NR2F2: variants seen among roughly 807,000 people sequenced by gnomAD.
NR2F2 encodes COUP transcription factor 2.
NR2F2 carries 2 observed loss-of-function variants against 34.8 expected under a neutral mutation model. The observed-to-expected ratio is 0.06, with a 90% CI of 0.02 to 0.18. NR2F2 has a LOEUF of 0.18. Among genes scored for constraint, NR2F2 ranks in the 10% least tolerant of loss-of-function variants. NR2F2 has a pLI of 1.00. For missense variants in NR2F2, 300 were observed against 580.1 expected (o/e 0.52, Z 4.96); for synonymous variants, 274 against 251.8 (o/e 1.09, Z -0.84).
At chr15:96,330,303 G>C (rs1238062738), upstream of NR2F2, among the ~76,000 whole-genome samples, 1 of 152,068 alleles carries the variant, frequency 6.6e-6, no homozygotes, top group South Asian at 2.1e-4. Context: ...GTGTGTGCGC[G>C]CTGCGCTAGT....
At position 96,337,735 on chromosome 15, in the gene NR2F2, TAAAAG is replaced by T; in HGVS notation, c.*116_*120del. Reference sequence around the variant, plus strand: ...ATATAAAAGGATGTTACAAGTTTGCTAAAAGAAGAGAGGGGAAGAATTTAATGGAC... The same window carrying T: ...ATATAAAAGGATGTTACAAGTTTGCTAAGAGAGGGGAAGAATTTAATGGAC... On this transcript the variant is annotated 3_prime_UTR_variant, in exon 3 of 3. Transcript: ENST00000394166. 2 of 817,184 alleles carry T rather than the reference TAAAAG, an allele frequency of 2.4e-6. No homozygotes were observed. Among genetic ancestry groups the T allele is most frequent in the South Asian group, 7.0e-5 (2 of 28,658 alleles). 50.6% of individuals were successfully genotyped at this position (817,184 alleles called of 1,614,324 possible). A position where few individuals can be genotyped will look rare whatever the true frequency, so the allele number is the denominator to read the frequency against.
At chr15:96,326,512 G>A (rs1253320554), upstream of NR2F2, among the ~76,000 whole-genome samples, 1 of 150,956 alleles carries the variant, frequency 6.6e-6, no homozygotes, top group Non-Finnish European at 1.5e-5. This position sits in a 1 kb window ranked among gnomAD's most constrained non-coding sequence, Gnocchi z 5.5. Flanking sequence ...GGGAAGGGGG[G>A]ATCAGAGTCA....
chr15:96,332,755 C>CTT, intron 1 of NR2F2: 1 of 1,148,960 alleles, frequency 8.7e-7, no homozygotes, highest in African/African-American at 1.6e-5. Flanking sequence ...TCTTTACTCT[C>CTT]TCTTTGGGCT....
At chr15:96,333,720 A>C in intron 1 of NR2F2, 1 of 1,218,602 alleles carries the variant, frequency 8.2e-7, no homozygotes, top group Non-Finnish European at 1.0e-6. Context: ...CCTCCAATCA[A>C]TAAGAAATAT....
chr15:96,326,798 G>C (rs895084468), upstream of NR2F2, among the ~76,000 whole-genome samples: 1 of 152,178 alleles, frequency 6.6e-6, no homozygotes, highest in Non-Finnish European at 1.5e-5. This position sits in a 1 kb window ranked among gnomAD's most constrained non-coding sequence, Gnocchi z 5.5. Context: ...AGAATTTACT[G>C]TTCGCTTTGC....
chr15:96,334,679 C>T lies in NR2F2; in HGVS notation c.970+76C>T, dbSNP rs978632929. ...GGGGCCCAGAGAACTTGGGAGTCCC[C>T]AGGGCAAACCCAGTCTGCTCCTTGA... On this transcript the variant is annotated intron_variant, in intron 2 of 2. Transcript: ENST00000394166. The T allele has an allele frequency of 5.4e-6, 8 of 1,481,550 alleles. No homozygotes were observed. In the East Asian group the frequency reaches 1.6e-4, roughly 30 times the overall value. 91.8% of individuals were successfully genotyped at this position (1,481,550 alleles called of 1,614,324 possible). A position where few individuals can be genotyped will look rare whatever the true frequency, so the allele number is the denominator to read the frequency against.
Position 96,332,378 on chromosome 15 carries a change from C to T in NR2F2, c.273C>T (p.Tyr91=), listed in dbSNP as rs746152342. 4 of 1,613,150 alleles carry T rather than the reference C, an allele frequency of 2.5e-6. No individual in the cohort carries two copies. The Admixed American group carries it at 6.7e-5, about 27-fold the overall frequency. Residue 91 remains tyrosine (Y), a synonymous_variant, in exon 1 of 3, where the codon TAC becomes TAT. Coordinates refer to ENST00000394166, the MANE Select transcript of NR2F2 (RefSeq NM_021005.4). ...GAGACAAGTCGAGCGGCAAGCACTA[C>T]GGCCAGTTCACGTGCGAGGGCTGCA... ...VCGDKSSGKH[Y]GQFTCEGCKS...
At chr15:96,327,075 C>T (rs1899012838), upstream of NR2F2, 1 of 151,446 alleles carries the variant, frequency 6.6e-6, no homozygotes, top group African/African-American at 2.4e-5. Context: ...CCAGAACATT[C>T]AAGGAGCGGT....
chr15:96,332,228 G>T lies in NR2F2; in HGVS notation c.123G>T (p.Gln41His), dbSNP rs1163052372. The T allele has an allele frequency of 3.3e-6, 5 of 1,530,840 alleles. No homozygotes were observed. In the Admixed American group the frequency reaches 7.9e-5, roughly 24 times the overall value. 94.8% of individuals were successfully genotyped at this position (1,530,840 alleles called of 1,614,324 possible). The change falls in exon 1 of 3, where the codon CAG becomes CAT. Residue 41 changes from glutamine to histidine, a missense_variant. Around this residue, in one of 6 missense-constraint regions of NR2F2, gnomAD observed 105 missense variants for 107.8 expected, o/e 0.97. Coordinates refer to ENST00000394166, the MANE Select transcript of NR2F2 (RefSeq NM_021005.4). ...GPPPGAPHTP[Q>H]TPGQGGPAST... ...CGCCCGGCGCCCCGCACACGCCACA[G>T]ACGCCCGGCCAAGGGGGCCCAGCCA...
chr15:96,334,240 C>T lies in NR2F2; in HGVS notation c.607C>T (p.Pro203Ser), dbSNP rs1482269429. 2 of 1,614,102 alleles carry T rather than the reference C, an allele frequency of 1.2e-6. No homozygotes were observed. The highest frequency in any genetic ancestry group is 1.3e-5 in the African/African-American group (1 of 74,936). ...GCGCTTCGGCAGCCAATGCATGCAG[C>T]CCAACAACATCATGGGTATCGAGAA... ...TSRFGSQCMQ[P>S]NNIMGIENIC... The change falls in exon 2 of 3, where the codon CCC (proline) becomes TCC (serine). Residue 203 changes from proline (P) to serine (S), a missense_variant. Transcript: ENST00000394166.
At chr15:96,336,261 C>T (rs981674355) in intron 2 of NR2F2, among the ~76,000 whole-genome samples, 1 of 152,110 alleles carries the variant, frequency 6.6e-6, no homozygotes, top group Non-Finnish European at 1.5e-5. Flanking sequence ...GATAAAGGTT[C>T]CTGTTATCTG....
chr15:96,333,691 C>T, intron 1 of NR2F2: 2 of 1,139,400 alleles, frequency 1.8e-6, no homozygotes, highest in South Asian at 3.4e-5. Context: ...CCCCCAGACT[C>T]GCCCCTCCCG....
chr15:96,333,781 C>T, intron 1 of NR2F2: 1 of 1,383,378 alleles, frequency 7.2e-7, no homozygotes, highest in Non-Finnish European at 9.3e-7. Flanking sequence ...CTACATCCCG[C>T]CCACAGCGCC....
At chr15:96,332,959 A>C (rs975876737) in intron 1 of NR2F2, among the ~76,000 whole-genome samples, 18 of 148,720 alleles carry the variant, frequency 1.2e-4, no homozygotes, top group Middle Eastern at 3.4e-3. Flanking sequence ...AAAAAAAAAA[A>C]ACCTGAGATT....
upstream of NR2F2, chr15:96,330,690 G>A (rs921107556): frequency 3.8e-5 from 7 of 183,236 alleles, no homozygotes; most frequent in Admixed American, 1.3e-4. Context: ...AGCTCAGTGA[G>A]CTGATCGCGG....
intron 2 of NR2F2, 69 bp from the exon 3 acceptor site, chr15:96,337,279 G>GA (rs1899354542): frequency 6.6e-7 from 1 of 1,503,964 alleles, no homozygotes. Context: ...TCTGATGACT[G>GA]AATTCTTCTT....
chr15:96,327,784 G>C (rs990568228), upstream of NR2F2, among the ~76,000 whole-genome samples: 4 of 152,230 alleles, frequency 2.6e-5, no homozygotes, highest in Non-Finnish European at 4.4e-5. Context: ...AAGAAATACA[G>C]CCCATCAGGC....
upstream of NR2F2, among the ~76,000 whole-genome samples, chr15:96,328,184 A>G (rs372623830): frequency 5.9e-5 from 9 of 152,314 alleles, no homozygotes; most frequent in East Asian, 1.3e-3. Flanking sequence ...CCTAAAATAC[A>G]GAGTGAAACA....
chr15:96,330,997 T>A lies in NR2F2; in HGVS notation c.-1109T>A. ...CTGCCCTCCTCTCTCTCTTTTATCA[T>A]TTCTCCCCCGCCGCCGGCGAGTTGA... On this transcript the variant is annotated 5_prime_UTR_variant, in exon 1 of 3. Coordinates refer to ENST00000394166, the MANE Select transcript of NR2F2 (RefSeq NM_021005.4). 8.2e-7 allele frequency: 1 copy of A among 1,213,126 alleles called. No homozygotes were observed. Among genetic ancestry groups the A allele is most frequent in the Non-Finnish European group, 1.0e-6 (1 of 975,846 alleles). 75.1% of individuals were successfully genotyped at this position (1,213,126 alleles called of 1,614,324 possible). A position where few individuals can be genotyped will look rare whatever the true frequency, so the allele number is the denominator to read the frequency against.
Sources: allele counts gnomAD v4.1 joint callset (sites outside exome capture counted in the v4.1 genomes callset), GRCh38; gene constraint gnomAD v4.1.1; regional missense constraint gnomAD v4.1.1; non-coding constraint Gnocchi (gnomAD v3.1); transcripts MANE v1.5; gene names NCBI Gene and HGNC (gene_info 2026-07-23, HGNC 2026-07-21).